Variants in ZNF280C observed in about 807,000 individuals in gnomAD.
ZNF280C encodes zinc finger protein 280C, also known as suppressor of hairy wing homolog 3.
Under a neutral mutation model 53.6 loss-of-function variants are expected in ZNF280C, and 14 were observed. The ratio of observed to expected loss-of-function variants is 0.26; its 90% CI spans 0.17 to 0.41. The LOEUF (loss-of-function observed/expected upper bound fraction) is 0.41, where lower values mean the gene tolerates loss of function less well. Ranked by LOEUF, ZNF280C falls within the 10% of genes least tolerant of loss-of-function variation. ZNF280C has a pLI of 1.00. For missense variants in ZNF280C, 416 were observed against 547.1 expected (o/e 0.76, Z 2.39); for synonymous variants, 203 against 181.1 (o/e 1.12, Z -0.97).
chrX:130,223,496 G>A (rs2032190506), intron 12 of ZNF280C, among the ~76,000 whole-genome samples: 1 of 112,036 alleles, frequency 8.9e-6, no homozygotes, highest in African/African-American at 3.2e-5. Context: ...ATGTGACACT[G>A]GGCAAATTAC....
At chrX:130,260,164 C>T (rs2032615918) in intron 2 of ZNF280C, among the ~76,000 whole-genome samples, 1 of 110,181 alleles carries the variant, frequency 9.1e-6, no homozygotes. Context: ...CGCCTGTAAT[C>T]CCAGCTACTC....
intron 12 of ZNF280C, among the ~76,000 whole-genome samples, chrX:130,223,343 C>T (rs2032189084): frequency 8.9e-6 from 1 of 112,368 alleles, no homozygotes; most frequent in South Asian, 3.7e-4. Context: ...CAGGCATGAG[C>T]CACTGCACCT....
rs1027998089 is a variant in ZNF280C at position 130,245,887 on chromosome X, C to T, written c.178+972G>A. Among the ~76,000 whole-genome samples, 3 of 109,361 alleles carry T rather than the reference C, an allele frequency of 2.7e-5. No individual in the cohort carries two copies. In the South Asian group the frequency reaches 1.2e-3, roughly 44 times the overall value. The allele number at this position is 109,361 out of a possible 115,157, so 95.0% of individuals were successfully genotyped here. ...TGCAACCTCTGCCTACAGGTTCAGG[C>T]GATTCTCATGCCTCAGCCTCCTGAG... On this transcript the variant is annotated intron_variant, in intron 3 of 18. Coordinates refer to ENST00000370978, the MANE Select transcript of ZNF280C (RefSeq NM_017666.5).
intron 15 of ZNF280C, among the ~76,000 whole-genome samples, chrX:130,214,635 A>G (rs1028285327): frequency 2.7e-5 from 3 of 111,676 alleles, no homozygotes; most frequent in Non-Finnish European, 3.8e-5. Flanking sequence ...ACTTGCACAT[A>G]AACTATACAT....
chrX:130,213,600 C>T (rs2032067504), intron 15 of ZNF280C, among the ~76,000 whole-genome samples: 1 of 111,533 alleles, frequency 9.0e-6, no homozygotes. Context: ...AACAGAAGAC[C>T]TTGAGGGCAT....
In ZNF280C at chrX:130,246,929, T is replaced by C. The variant is rs200784184; in HGVS notation, c.108A>G (p.Glu36=). Residue 36 remains glutamate (E), a synonymous_variant, in exon 3 of 19, where the codon GAA becomes GAG. Transcript: ENST00000370978. ...ELEPWQKKVE[E]TQDEDDDELI... is the part of the protein sequence containing the mutation. Reference sequence around the variant, plus strand: ...GTTCATCGTCATCCTCATCCTGAGTTTCTTCTACTTTCTTCTGCCATGGCT... The same window carrying C: ...GTTCATCGTCATCCTCATCCTGAGTCTCTTCTACTTTCTTCTGCCATGGCT... 1 of 1,210,330 alleles carries C rather than the reference T, an allele frequency of 8.3e-7. No individual in the cohort carries two copies. Among genetic ancestry groups the C allele is most frequent in the Non-Finnish European group, 1.1e-6 (1 of 894,164 alleles).
chrX:130,207,750 T>C (rs2031991996), intron 16 of ZNF280C, among the ~76,000 whole-genome samples: 1 of 112,216 alleles, frequency 8.9e-6, no homozygotes, highest in Non-Finnish European at 1.9e-5. Flanking sequence ...TTCCGGAGAA[T>C]GTGTATAGTT....
chrX:130,249,102 C>A (rs1418262792), intron 2 of ZNF280C, among the ~76,000 whole-genome samples: 3 of 111,449 alleles, frequency 2.7e-5, no homozygotes, highest in South Asian at 7.7e-4. Context: ...GACCCTCCCC[C>A]ACCCTGAGCG....
Position 130,203,959 on chromosome X carries a change from C to T in ZNF280C, c.*1018G>A, listed in dbSNP as rs2031943167. 9.1e-6 allele frequency: 1 copy of T among 110,066 alleles called. No homozygotes were observed. The highest frequency in any genetic ancestry group is 1.9e-5 in the Non-Finnish European group (1 of 52,837). 9.1% of individuals were successfully genotyped at this position (110,066 alleles called of 1,213,427 possible). A position where few individuals can be genotyped will look rare whatever the true frequency, so the allele number is the denominator to read the frequency against. On this transcript the variant is annotated 3_prime_UTR_variant, in exon 19 of 19. Transcript: ENST00000370978. ...ATAAAACCAAGCTACCAAAATAAAA[C>T]AAAATAAAATGTAAAAAATGTTTAA...
chrX:130,214,031 C>T (rs1357770638), intron 15 of ZNF280C, among the ~76,000 whole-genome samples: 1 of 111,853 alleles, frequency 8.9e-6, no homozygotes, highest in African/African-American at 3.3e-5. Context: ...AACTCCTAGG[C>T]TCAAGCAATC....
At chrX:130,221,323 G>T (rs1320803231) in intron 12 of ZNF280C, among the ~76,000 whole-genome samples, 1 of 111,731 alleles carries the variant, frequency 9.0e-6, no homozygotes, top group African/African-American at 3.3e-5. Context: ...AGCAAATTAA[G>T]ATGATGGATA....
chrX:130,257,849 C>G (rs1348237230), intron 2 of ZNF280C, among the ~76,000 whole-genome samples: 1 of 112,903 alleles, frequency 8.9e-6, no homozygotes, highest in Admixed American at 9.4e-5. Flanking sequence ...GGTCTGGGCA[C>G]AGTGGCTCAC....
chrX:130,228,841 GA>G (rs776514385), intron 10 of ZNF280C, 135 bp downstream of exon 10: 4 of 607,965 alleles, frequency 6.6e-6, no homozygotes, highest in African/African-American at 4.7e-5. Flanking sequence ...TAAAAGTTAT[GA>G]TTTTTTTTTT....
intron 3 of ZNF280C, 87 bp from the exon 4 acceptor site, chrX:130,243,952 A>T (rs1338191332): frequency 1.2e-5 from 7 of 561,955 alleles, no homozygotes; most frequent in Middle Eastern, 6.0e-4. Flanking sequence ...ATCTTTGCAT[A>T]ACCAATAATT....
chrX:130,263,413 T>C (rs1398554231), intron 1 of ZNF280C, among the ~76,000 whole-genome samples: 1 of 112,282 alleles, frequency 8.9e-6, no homozygotes, highest in Admixed American at 9.4e-5. Context: ...ACAATACTAA[T>C]GGGCCTTGAG....
intron 15 of ZNF280C, among the ~76,000 whole-genome samples, chrX:130,213,369 T>C (rs192516304): frequency 9.2e-4 from 102 of 111,256 alleles, no homozygotes; most frequent in African/African-American, 3.0e-3. Flanking sequence ...CAAGACTCCA[T>C]CTCAAAACAA....
Position 130,215,126 on chromosome X carries a change from ACT to A in ZNF280C, c.1979+65_1979+66del, listed in dbSNP as rs1233406216. ...AGACAAACTTGCTTTCAATAGGATAACTCTGTTTTCAAAAAACAAATGACCCA... is the reference window on the plus strand; with the variant it reads ...AGACAAACTTGCTTTCAATAGGATAACTGTTTTCAAAAAACAAATGACCCA... On this transcript the variant is annotated intron_variant, in intron 15 of 18. Coordinates refer to ENST00000370978, the MANE Select transcript of ZNF280C (RefSeq NM_017666.5). 5 of 1,143,657 alleles carry A rather than the reference ACT, an allele frequency of 4.4e-6. No individual in the cohort carries two copies. In the African/African-American group the frequency reaches 7.2e-5, roughly 17 times the overall value. The allele number at this position is 1,143,657 out of a possible 1,213,427, so 94.3% of individuals were successfully genotyped here. A position where few individuals can be genotyped will look rare whatever the true frequency, so the allele number is the denominator to read the frequency against.
intron 6 of ZNF280C, among the ~76,000 whole-genome samples, chrX:130,236,871 A>G (rs1243326099): frequency 1.8e-5 from 2 of 111,414 alleles, no homozygotes; most frequent in African/African-American, 3.2e-5. Flanking sequence ...TATGAACTAC[A>G]TATCTTTACT....
In ZNF280C at chrX:130,227,708, G is replaced by A; in HGVS notation, c.1222C>T (p.Pro408Ser). Reference sequence around the variant, plus strand: ...TGGCAAACATATGGCATTTCACCAGGTTTATGGGTGTCCTTCATATGTTGT... The same window carrying A: ...TGGCAAACATATGGCATTTCACCAGATTTATGGGTGTCCTTCATATGTTGT... ...LLQHMKDTHK[P>S]GEMPYVCQVC... The change falls in exon 11 of 19, where the codon CCT (proline) becomes TCT (serine). Residue 408 changes from proline to serine, a missense_variant. Pro to Ser is a moderately conservative substitution (Grantham distance 74). Transcript: ENST00000370978. 1 of 1,204,404 alleles carries A rather than the reference G, an allele frequency of 8.3e-7. No individual in the cohort carries two copies. Among genetic ancestry groups the A allele is most frequent in the Non-Finnish European group, 1.1e-6 (1 of 889,783 alleles).
Sources: gnomAD v4.1 joint callset for allele counts (sites outside exome capture counted in the v4.1 genomes callset) on GRCh38, gnomAD v4.1.1 for gene constraint, MANE v1.5 for transcripts, NCBI Gene and HGNC (gene_info 2026-07-23, HGNC 2026-07-21) for gene names.